Variants in ACSL4 observed in about 807,000 individuals in gnomAD.
ACSL4 encodes long-chain-fatty-acid--CoA ligase 4.
A neutral mutation model predicts 49.1 loss-of-function variants in ACSL4; 9 were observed. The ratio of observed to expected loss-of-function variants is 0.18; its 90% confidence interval spans 0.11 to 0.32. The LOEUF (loss-of-function observed/expected upper bound fraction) is 0.32. ACSL4 is among the 10% of genes least tolerant of loss of function. The pLI, the probability that ACSL4 is intolerant of heterozygous loss-of-function variation, is 1.00. For synonymous variants in ACSL4, 191 were observed against 170.3 expected (o/e 1.12, Z -0.95); for missense variants, 333 against 493.7 (o/e 0.67, Z 3.08).
intron 15 of ACSL4, among the ~76,000 whole-genome samples, chrX:109,649,417 C>T (rs1219978699): frequency 9.0e-6 from 1 of 111,600 alleles, no homozygotes; most frequent in South Asian, 3.7e-4. Flanking sequence ...GAAAAACAAG[C>T]AATGGGGAAA....
intron 1 of ACSL4, among the ~76,000 whole-genome samples, chrX:109,710,229 C>T (rs1274410290): frequency 1.8e-5 from 2 of 112,081 alleles, no homozygotes; most frequent in Non-Finnish European, 3.8e-5. Flanking sequence ...TAATGATGAC[C>T]CTAGTTGTAT....
At chrX:109,649,562 C>T (rs1243503840) in intron 15 of ACSL4, among the ~76,000 whole-genome samples, 3 of 111,740 alleles carry the variant, frequency 2.7e-5, no homozygotes, top group Non-Finnish European at 5.6e-5. Flanking sequence ...AGACCTAAAA[C>T]CATAAAAACC....
rs149870837 is a variant in ACSL4 at position 109,691,185 on chromosome X, A to T, written c.-13+4959T>A. On this transcript the variant is annotated intron_variant, in intron 2 of 15. Transcript: ENST00000672401. ...AAATTAACTTTGTCCTTGACATAAG[A>T]TCTTACAAAAATAGTTTTTAAATCA... is the stretch of plus-strand genomic sequence containing the variant. 6.7e-3 allele frequency among the ~76,000 whole-genome samples: 748 copies of T among 112,384 alleles called. 23 individuals are homozygous for T. The highest frequency in any genetic ancestry group is 0.065 in the Admixed American group (685 of 10,584).
At chrX:109,684,113 G>A (rs746915118) in intron 2 of ACSL4, among the ~76,000 whole-genome samples, 1 of 111,138 alleles carries the variant, frequency 9.0e-6, no homozygotes, top group South Asian at 3.8e-4. Flanking sequence ...CCAAAGGGGG[G>A]GGTGGGGCAG....
intron 6 of ACSL4, among the ~76,000 whole-genome samples, chrX:109,680,438 A>G (rs895741478): frequency 6.2e-5 from 7 of 112,366 alleles, no homozygotes; most frequent in Admixed American, 1.9e-4. Flanking sequence ...ATTAAACATA[A>G]TAAGAAAACT....
At chrX:109,677,179 G>T (rs1286100786) in intron 8 of ACSL4, among the ~76,000 whole-genome samples, 1 of 109,668 alleles carries the variant, frequency 9.1e-6, no homozygotes, top group South Asian at 4.0e-4. Flanking sequence ...AGCCAGGATG[G>T]TCTCAATCTC....
chrX:109,650,833 A>C lies in ACSL4; in HGVS notation c.1856-6647T>G, dbSNP rs189435557. On this transcript the variant is annotated intron_variant, in intron 15 of 15. Transcript: ENST00000672401. ...AAGCTCCATAAAAGCAAGGTCTTTG[A>C]TTTTTTCACTGCCATCCATAGGGTT... 4.3e-4 allele frequency among the ~76,000 whole-genome samples: 48 copies of C among 111,973 alleles called. 3 individuals carry two copies. Among genetic ancestry groups the C allele is most frequent in the African/African-American group, 1.5e-3 (47 of 30,876 alleles).
At chrX:109,644,254 G>A (rs1163538864) in intron 15 of ACSL4, 68 bp from the exon 16 acceptor site, 12 of 941,255 alleles carry the variant, frequency 1.3e-5, no homozygotes, top group Admixed American at 2.8e-5. Context: ...GAGTGGGGAC[G>A]GGGAAAGAAG....
intron 1 of ACSL4, among the ~76,000 whole-genome samples, chrX:109,701,758 G>A (rs1183482770): frequency 1.8e-4 from 17 of 95,744 alleles, no homozygotes; most frequent in South Asian, 5.4e-4. Context: ...GTTAGCCAGG[G>A]TGGTTTCGAT....
chrX:109,678,194 T>C, intron 7 of ACSL4, 71 bp downstream of exon 7: 2 of 1,204,566 alleles, frequency 1.7e-6, no homozygotes, highest in East Asian at 5.9e-5. Context: ...ATCATTTTAA[T>C]ATAGATTGAG....
intron 14 of ACSL4, among the ~76,000 whole-genome samples, chrX:109,661,143 A>ATATAAATATAAAGAAAAATAAG (rs1556222376): frequency 9.8e-5 from 11 of 112,030 alleles, no homozygotes; most frequent in African/African-American, 3.6e-4. Context: ...AAGACATATC[A>ATATAAATATAAAGAAAAATAAG]ACATATAAAG....
At chrX:109,690,795 A>G (rs1924989132) in intron 2 of ACSL4, among the ~76,000 whole-genome samples, 1 of 109,714 alleles carries the variant, frequency 9.1e-6, no homozygotes, top group African/African-American at 3.3e-5. Flanking sequence ...AGTAAGTACT[A>G]GAAGTTTTAG....
intron 4 of ACSL4, among the ~76,000 whole-genome samples, chrX:109,682,162 T>C (rs1351625706): frequency 8.9e-6 from 1 of 112,143 alleles, no homozygotes; most frequent in African/African-American, 3.2e-5. Flanking sequence ...TATATTTCAT[T>C]CAACAAACAA....
chrX:109,683,448 C>G, intron 2 of ACSL4, 73 bp from the exon 3 acceptor site: 1 of 1,210,834 alleles, frequency 8.3e-7, no homozygotes, highest in Non-Finnish European at 1.1e-6. Flanking sequence ...AGTGGACAGG[C>G]AGCAAAATAA....
In ACSL4 at chrX:109,678,351, A is replaced by G; in HGVS notation, c.720T>C (p.Ser240=). The stretch of plus-strand genomic sequence containing the variant: ...TCATCACTCCCTTAGGTCGGCCAGT[A>G]GAACCACTAGTATACATAACAATGG... The part of the protein sequence containing the change: ...DMAIVMYTSG[S]TGRPKGVMMH... The change falls in exon 7 of 16, where the codon TCT becomes TCC. Residue 240 remains serine (S), a synonymous_variant. Transcript: ENST00000672401. 1.7e-6 allele frequency: 2 copies of G among 1,212,067 alleles called. No individual in the cohort carries two copies. The highest frequency in any genetic ancestry group is 3.0e-5 in the East Asian group (1 of 33,861).
intron 1 of ACSL4, among the ~76,000 whole-genome samples, chrX:109,726,090 A>G: frequency 8.9e-6 from 1 of 112,214 alleles, no homozygotes; most frequent in East Asian, 2.8e-4. Flanking sequence ...ATATATTGTC[A>G]GGTTACAACA....
At chrX:109,699,095 G>A (rs185009773) in intron 1 of ACSL4, among the ~76,000 whole-genome samples, 27 of 112,434 alleles carry the variant, frequency 2.4e-4, no homozygotes, top group South Asian at 1.5e-3. Flanking sequence ...GGCCAGGTGC[G>A]GTGGCTCATG....
At chrX:109,714,170 TTTTG>T (rs1162377477) in intron 1 of ACSL4, among the ~76,000 whole-genome samples, 1 of 111,900 alleles carries the variant, frequency 8.9e-6, no homozygotes, top group Non-Finnish European at 1.9e-5. Context: ...TGTCTTAGTT[TTTTG>T]TTTTTGTTTT....
chrX:109,665,538 A>G lies in ACSL4; in HGVS notation c.1316-44T>C, dbSNP rs751721921. On this transcript the variant is annotated intron_variant, in intron 11 of 15. Transcript: ENST00000672401. ...CAGAGATATTAGCATACCACATTCC[A>G]GATTTGTACCAATGCACTGGGAATA... is the stretch of plus-strand genomic sequence containing the variant. The G allele has an allele frequency of 6.7e-6, 7 of 1,050,708 alleles. No individual in the cohort carries two copies. The Admixed American group carries it at 1.5e-4, about 23-fold the overall frequency. The allele number at this position is 1,050,708 out of a possible 1,213,427, so 86.6% of individuals were successfully genotyped here. A position where few individuals can be genotyped will look rare whatever the true frequency, so the allele number is the denominator to read the frequency against.
Sources: allele counts gnomAD v4.1 joint callset (sites outside exome capture counted in the v4.1 genomes callset), GRCh38; gene constraint gnomAD v4.1.1; transcripts MANE v1.5; gene names NCBI Gene and HGNC (gene_info 2026-07-23, HGNC 2026-07-21).